DSE: variants seen among roughly 807,000 people sequenced by gnomAD.
The protein encoded by DSE is dermatan-sulfate epimerase.
In DSE, 36 loss-of-function variants were observed where a neutral mutation model predicts 84.4. That is an observed-to-expected ratio of 0.43 (90% CI 0.33 to 0.56). The LOEUF (loss-of-function observed/expected upper bound fraction) is 0.56, where lower values mean the gene tolerates loss of function less well. Ranked by LOEUF, DSE falls within the 20% of genes least tolerant of loss-of-function variation. DSE has a pLI of 0.06. For synonymous variants in DSE, 410 were observed against 430.1 expected (o/e 0.95, Z 0.58); for missense variants, 862 against 1,169.6 (o/e 0.74, Z 3.84).
intron 2 of DSE, among the ~76,000 whole-genome samples, chr6:116,341,121 G>A (rs553911939): frequency 6.6e-4 from 101 of 152,230 alleles, no homozygotes; most frequent in Non-Finnish European, 1.2e-3. Context: ...AAGTGTTCGT[G>A]TTTCTCCACA....
At chr6:116,284,860 T>C (rs557427686) in intron 2 of DSE, among the ~76,000 whole-genome samples, 1 of 152,266 alleles carries the variant, frequency 6.6e-6, no homozygotes, top group Non-Finnish European at 1.5e-5. Flanking sequence ...CATCCTTTTT[T>C]ATGGCTGCAC....
intron 2 of DSE, among the ~76,000 whole-genome samples, chr6:116,286,477 A>G (rs1051088591): frequency 6.6e-6 from 1 of 152,058 alleles, no homozygotes; most frequent in African/African-American, 2.4e-5. Context: ...CAAATTCAGT[A>G]TTTTCTCAAC....
chr6:116,347,979 G>C (rs1349622745), intron 2 of DSE, among the ~76,000 whole-genome samples: 1 of 152,044 alleles, frequency 6.6e-6, no homozygotes, highest in Non-Finnish European at 1.5e-5. Context: ...TCAAAAAGTG[G>C]GTGAAGGATG....
At chr6:116,413,959 G>A (rs750093984) in intron 2 of DSE, among the ~76,000 whole-genome samples, 2 of 152,124 alleles carry the variant, frequency 1.3e-5, no homozygotes, top group Non-Finnish European at 2.9e-5. Context: ...TTTGCCTGCC[G>A]TGTTCTCAGA....
intron 2 of DSE, among the ~76,000 whole-genome samples, chr6:116,303,653 G>A (rs1399066495): frequency 6.6e-6 from 1 of 151,030 alleles, no homozygotes; most frequent in African/African-American, 2.5e-5. Context: ...GACGATAGGG[G>A]TAGGGGAGGG....
At chr6:116,357,170 G>A (rs1320502553) in intron 2 of DSE, among the ~76,000 whole-genome samples, 2 of 152,120 alleles carry the variant, frequency 1.3e-5, no homozygotes, top group African/African-American at 4.8e-5. Context: ...TTCTTCTCCA[G>A]TACTAGTTAG....
intron 1 of DSE, among the ~76,000 whole-genome samples, chr6:116,393,773 T>C (rs1024487507): frequency 3.9e-5 from 6 of 152,244 alleles, no homozygotes; most frequent in African/African-American, 1.2e-4. Flanking sequence ...CATCTTAGTT[T>C]GGGGCATGTT....
At chr6:116,392,206 G>C (rs904436703) in intron 1 of DSE, among the ~76,000 whole-genome samples, 1 of 152,188 alleles carries the variant, frequency 6.6e-6, no homozygotes, top group Non-Finnish European at 1.5e-5. Context: ...GCCCTGTCTA[G>C]TATATCCTAA....
intron 2 of DSE, among the ~76,000 whole-genome samples, chr6:116,425,649 GT>G (rs1783395726): frequency 7.3e-6 from 1 of 136,988 alleles, no homozygotes; most frequent in Non-Finnish European, 1.5e-5. Flanking sequence ...TTGAGACGGA[GT>G]CTCGCTGTGT....
chr6:116,279,337 G>C (rs1773339506), intron 2 of DSE: 1 of 1,611,044 alleles, frequency 6.2e-7, no homozygotes, highest in Admixed American at 1.7e-5. Flanking sequence ...AGCCACGGCT[G>C]CTGAGACGGT....
chr6:116,309,709 C>G (rs1429112511), intron 2 of DSE, among the ~76,000 whole-genome samples: 1 of 152,210 alleles, frequency 6.6e-6, no homozygotes, highest in Non-Finnish European at 1.5e-5. Flanking sequence ...TGGCCTTGAA[C>G]CGCAAGATGG....
chr6:116,428,086 G>C (rs1167821554), intron 3 of DSE, among the ~76,000 whole-genome samples: 7 of 152,202 alleles, frequency 4.6e-5, no homozygotes, highest in Non-Finnish European at 1.5e-5. Flanking sequence ...CTACTCAGGA[G>C]GCTGAGGCAG....
chr6:116,282,542 C>T (rs545663841), intron 2 of DSE, among the ~76,000 whole-genome samples: 1 of 152,134 alleles, frequency 6.6e-6, no homozygotes, highest in Admixed American at 6.5e-5. Flanking sequence ...CCCCAAATAA[C>T]GTTGAGACTC....
At chr6:116,315,329 GAT>G (rs67864536) in intron 2 of DSE, among the ~76,000 whole-genome samples, 32,015 of 147,390 alleles carry the variant, frequency 0.22, 4,480 homozygotes, top group African/African-American at 0.41. Flanking sequence ...CACCTTCTGA[GAT>G]ATATATATAT....
chr6:116,335,589 A>C (rs1218527231), intron 2 of DSE, among the ~76,000 whole-genome samples: 1 of 152,218 alleles, frequency 6.6e-6, no homozygotes. Context: ...GACAAAATAC[A>C]ACAAATTTAG....
At chr6:116,402,026 G>A (rs1413758584) in intron 2 of DSE, among the ~76,000 whole-genome samples, 4 of 151,864 alleles carry the variant, frequency 2.6e-5, no homozygotes, top group Admixed American at 1.3e-4. Flanking sequence ...ACTAAGTTAT[G>A]TTCATTCACT....
intron 2 of DSE, among the ~76,000 whole-genome samples, chr6:116,262,091 A>G (rs7744560): frequency 0.038 from 5,804 of 152,310 alleles, 172 homozygotes; most frequent in African/African-American, 0.077. Flanking sequence ...TTTTGGCATC[A>G]GGATGATGTT....
intron 1 of DSE, among the ~76,000 whole-genome samples, chr6:116,374,002 T>C (rs1394222874): frequency 6.6e-6 from 1 of 152,226 alleles, no homozygotes; most frequent in Non-Finnish European, 1.5e-5. Context: ...ATCTTTGTTT[T>C]CAAAAAGGAA....
intron 2 of DSE, among the ~76,000 whole-genome samples, chr6:116,287,500 A>G (rs550045805): frequency 1.4e-4 from 21 of 152,220 alleles, no homozygotes; most frequent in Middle Eastern, 3.4e-3. Context: ...TGATACTTAA[A>G]TAATACTTTG....
Sources: gnomAD v4.1 joint callset for allele counts (sites outside exome capture counted in the v4.1 genomes callset) on GRCh38, gnomAD v4.1.1 for gene constraint, MANE v1.5 for transcripts, NCBI Gene and HGNC (gene_info 2026-07-23, HGNC 2026-07-21) for gene names.